Variants in EIF4E3 observed in about 807,000 individuals in gnomAD.
EIF4E3 encodes the protein eukaryotic translation initiation factor 4E type 3.
A neutral mutation model predicts 31.7 loss-of-function variants in EIF4E3; 26 were observed. That is an observed-to-expected ratio of 0.82 (90% CI 0.60 to 1.14). The LOEUF is 1.14. Among genes scored for constraint, EIF4E3 ranks in the 50% most tolerant of loss-of-function variants. The probability of loss-of-function intolerance (pLI) is 0.00; values close to 1 mark genes in which losing one functional copy is unlikely to be tolerated. For synonymous variants in EIF4E3, 128 were observed against 107.7 expected (o/e 1.19, Z -1.17); for missense variants, 304 against 270.9 (o/e 1.12, Z -0.86).
intron 5 of EIF4E3, among the ~76,000 whole-genome samples, chr3:71,692,733 A>G (rs919636093): frequency 5.8e-4 from 88 of 151,970 alleles, no homozygotes; most frequent in African/African-American, 1.9e-3. Flanking sequence ...TGCTGGGGCT[A>G]TGGGTGTATG....
upstream of EIF4E3, chr3:71,754,347 T>A: frequency 7.7e-7 from 1 of 1,299,050 alleles, no homozygotes; most frequent in Non-Finnish European, 9.9e-7. The surrounding 1 kb of genome is among the most constrained non-coding windows in gnomAD (Gnocchi z 5.8). Flanking sequence ...GCTGCTCGCC[T>A]TCCTGGCCGC....
chr3:71,669,541 A>G, the EIF4E3 span, among the ~76,000 whole-genome samples: 1 of 152,226 alleles, frequency 6.6e-6, no homozygotes, highest in Non-Finnish European at 1.5e-5. Context: ...TTTAGAATGA[A>G]ATATACAAAT....
intron 1 of EIF4E3, among the ~76,000 whole-genome samples, chr3:71,743,377 TA>T (rs1457363798): frequency 3.9e-5 from 6 of 152,096 alleles, no homozygotes; most frequent in Admixed American, 1.3e-4. Context: ...ATACCATTCA[TA>T]AAAGTATCAA....
chr3:71,723,480 T>C (rs1230193341), intron 1 of EIF4E3, among the ~76,000 whole-genome samples: 9 of 152,206 alleles, frequency 5.9e-5, no homozygotes, highest in Non-Finnish European at 1.2e-4. Flanking sequence ...ATCAATAGTA[T>C]AGATATAGTT....
chr3:71,693,995 A>T (rs2049100080), intron 4 of EIF4E3, 54 bp from the exon 5 acceptor site: 1 of 1,475,800 alleles, frequency 6.8e-7, no homozygotes. Flanking sequence ...ATATTTTTAG[A>T]CAATTATCCT....
chr3:71,687,537 C>T (rs374344600), intron 6 of EIF4E3, among the ~76,000 whole-genome samples: 1 of 152,180 alleles, frequency 6.6e-6, no homozygotes. Context: ...GAGGGTAACA[C>T]AGAGGGCAGA....
chr3:71,753,443 C>T (rs2049956214), intron 1 of EIF4E3: 1 of 152,312 alleles, frequency 6.6e-6, no homozygotes. Context: ...GCGCGGGCGC[C>T]GCCGCCGGAC....
Position 71,680,105 on chromosome 3 carries a change from T to C in EIF4E3, c.*4577A>G, listed in dbSNP as rs1269282826. The C allele has an allele frequency of 6.6e-6, 1 of 152,182 alleles. No individual in the cohort carries two copies. Among genetic ancestry groups the C allele is most frequent in the East Asian group, 1.9e-4 (1 of 5,196 alleles). The allele number at this position is 152,182 out of a possible 1,614,324, so 9.4% of individuals were successfully genotyped here. A position where few individuals can be genotyped will look rare whatever the true frequency, so the allele number is the denominator to read the frequency against. On this transcript the variant is annotated 3_prime_UTR_variant, in exon 7 of 7. Coordinates refer to ENST00000425534, the MANE Select transcript of EIF4E3 (RefSeq NM_001134651.2). ...ATAAAGTTCTTATTCACGAGCATCA[T>C]CTACTCAAGTCTCAGTATTAATGGT...
At chr3:71,754,491 T>TGGGCGC (rs2049980460), upstream of EIF4E3, 2 of 1,292,986 alleles carry the variant, frequency 1.5e-6, no homozygotes, top group Non-Finnish European at 2.0e-6. This position sits in a 1 kb window ranked among gnomAD's most constrained non-coding sequence, Gnocchi z 5.8. Context: ...GTGCGCCGCC[T>TGGGCGC]GGGCGCTGGC....
chr3:71,729,666 T>C (rs1322350534), upstream of EIF4E3, among the ~76,000 whole-genome samples: 1 of 152,210 alleles, frequency 6.6e-6, no homozygotes, highest in Non-Finnish European at 1.5e-5. Context: ...ATGTCAGGCG[T>C]TCATTCATTC....
intron 6 of EIF4E3, among the ~76,000 whole-genome samples, chr3:71,688,093 T>C (rs1163715142): frequency 6.6e-6 from 1 of 152,194 alleles, no homozygotes; most frequent in Non-Finnish European, 1.5e-5. Context: ...AAGTATGAAT[T>C]TCTGCTGAGA....
chr3:71,707,871 C>CTTTTTTTTTTTTTTTT, intron 2 of EIF4E3, among the ~76,000 whole-genome samples: 1 of 133,266 alleles, frequency 7.5e-6, no homozygotes, highest in Non-Finnish European at 1.6e-5. Context: ...CTAATTCATT[C>CTTTTTTTTTTTTTTTT]TTTTTTTTTT....
At chr3:71,671,617 G>C (rs914709911), downstream of EIF4E3, among the ~76,000 whole-genome samples, 1 of 152,074 alleles carries the variant, frequency 6.6e-6, no homozygotes, top group Admixed American at 6.6e-5. Flanking sequence ...ACTTCACTCC[G>C]CATACTTAAC....
At position 71,683,246 on chromosome 3, in the gene EIF4E3, G is replaced by A. The variant is rs990093429; in HGVS notation, c.*1436C>T. 6.6e-6 allele frequency: 1 copy of A among 152,176 alleles called. No individual in the cohort carries two copies. Among genetic ancestry groups the A allele is most frequent in the Non-Finnish European group, 1.5e-5 (1 of 68,030 alleles). 9.4% of individuals were successfully genotyped at this position (152,176 alleles called of 1,614,324 possible). A position where few individuals can be genotyped will look rare whatever the true frequency, so the allele number is the denominator to read the frequency against. On this transcript the variant is annotated 3_prime_UTR_variant, in exon 7 of 7. Coordinates refer to ENST00000425534, the MANE Select transcript of EIF4E3 (RefSeq NM_001134651.2). ...GAATTTTATCTACAAACACATAGTG[G>A]AGGCTTAAAGTAGCCTCAAGTCTCT...
intron 1 of EIF4E3, among the ~76,000 whole-genome samples, chr3:71,713,731 C>T (rs1057067107): frequency 3.3e-5 from 5 of 152,088 alleles, no homozygotes; most frequent in African/African-American, 7.2e-5. Flanking sequence ...GCCATCACCT[C>T]GAGGCCTGAA....
At chr3:71,702,190 T>C (rs1377183775) in intron 2 of EIF4E3, among the ~76,000 whole-genome samples, 2 of 152,188 alleles carry the variant, frequency 1.3e-5, no homozygotes, top group Non-Finnish European at 2.9e-5. Flanking sequence ...GAAGATATTT[T>C]CCCACCAGTA....
the EIF4E3 span, among the ~76,000 whole-genome samples, chr3:71,667,565 C>T: frequency 6.6e-6 from 1 of 152,192 alleles, no homozygotes; most frequent in Non-Finnish European, 1.5e-5. Context: ...TCCCAGGATA[C>T]AAAATCGATG....
intron 1 of EIF4E3, among the ~76,000 whole-genome samples, chr3:71,736,882 G>C (rs1453526228): frequency 6.6e-6 from 1 of 152,132 alleles, no homozygotes; most frequent in African/African-American, 2.4e-5. Flanking sequence ...GTTGATAATG[G>C]AGAAGGCTAT....
At chr3:71,729,870 C>T (rs772770278), upstream of EIF4E3, among the ~76,000 whole-genome samples, 4 of 145,866 alleles carry the variant, frequency 2.7e-5, no homozygotes, top group Non-Finnish European at 6.0e-5. Context: ...GGTGGCGGAA[C>T]TCATTGGCAA....
Sources: gnomAD v4.1 joint callset for allele counts (sites outside exome capture counted in the v4.1 genomes callset) on GRCh38, gnomAD v4.1.1 for gene constraint, Gnocchi (gnomAD v3.1) non-coding constraint, MANE v1.5 for transcripts, NCBI Gene and HGNC (gene_info 2026-07-23, HGNC 2026-07-21) for gene names.